SSH2: variants seen among roughly 807,000 people sequenced by gnomAD.
SSH2 encodes slingshot protein phosphatase 2.
In SSH2, 37 loss-of-function variants were observed where a neutral mutation model predicts 135.2. That is an observed-to-expected ratio of 0.27 (90% CI 0.21 to 0.36). The LOEUF is 0.36. Among genes scored for constraint, SSH2 ranks in the 10% least tolerant of loss-of-function variants. The pLI is 1.00. For synonymous variants in SSH2, 628 were observed against 646.2 expected (o/e 0.97, Z 0.43); for missense variants, 1,408 against 1,765.3 (o/e 0.80, Z 3.63).
intron 3 of SSH2, chr17:29,776,736 A>T (rs2041710106): frequency 6.6e-6 from 1 of 152,236 alleles, no homozygotes; most frequent in Admixed American, 6.5e-5. Flanking sequence ...GCTATCAGTG[A>T]AGCTTGGAGG....
intron 4 of SSH2, among the ~76,000 whole-genome samples, chr17:29,699,870 G>C (rs775730951): frequency 6.6e-6 from 1 of 152,184 alleles, no homozygotes; most frequent in Non-Finnish European, 1.5e-5. Flanking sequence ...ACTGGGCACT[G>C]GGGAGGAAGG....
In SSH2 at chr17:29,829,282, TTGGA is replaced by T. The variant is rs535119688; in HGVS notation, c.144+19563_144+19566del. Among the ~76,000 whole-genome samples, 20 of 152,328 alleles carry T rather than the reference TTGGA, an allele frequency of 1.3e-4. No homozygotes were observed. In the South Asian group the frequency reaches 4.1e-3, roughly 32 times the overall value. The stretch of plus-strand genomic sequence containing the variant: ...GTATACTATTTATCATTTCCATTCC[TTGGA>T]TGAAGAAATTAAGACAGAAGAAAAG... On this transcript the variant is annotated intron_variant, in intron 2 of 15. Transcript: ENST00000540801.
intron 3 of SSH2, among the ~76,000 whole-genome samples, chr17:29,792,720 A>G (rs1877788578): frequency 6.6e-6 from 1 of 152,222 alleles, no homozygotes; most frequent in African/African-American, 2.4e-5. Context: ...TCTGTAGCCC[A>G]AGCTGGAGTG....
chr17:29,710,206 A>G (rs1222738404), intron 3 of SSH2, among the ~76,000 whole-genome samples: 2 of 152,222 alleles, frequency 1.3e-5, no homozygotes, highest in African/African-American at 2.4e-5. Flanking sequence ...TTCTACATGC[A>G]CACATATAAG....
intron 3 of SSH2, chr17:29,707,112 C>CACTGCACTCCCGCCTGGGCG: frequency 6.6e-6 from 1 of 150,580 alleles, no homozygotes; most frequent in Non-Finnish European, 1.5e-5. Context: ...GAGATTGCGC[C>CACTGCACTCCCGCCTGGGCG]ACTGCACTCC....
intron 3 of SSH2, among the ~76,000 whole-genome samples, chr17:29,714,141 A>G (rs2039534701): frequency 6.6e-6 from 1 of 152,130 alleles, no homozygotes; most frequent in African/African-American, 2.4e-5. Context: ...CTGGACTCAA[A>G]AGTAAATGAC....
At chr17:29,728,782 AG>A (rs2040084873) in intron 3 of SSH2, among the ~76,000 whole-genome samples, 1 of 152,236 alleles carries the variant, frequency 6.6e-6, no homozygotes, top group South Asian at 2.1e-4. Context: ...AAAAGTGTCA[AG>A]AACATCCATT....
At chr17:29,735,488 G>A (rs1203075688) in intron 3 of SSH2, among the ~76,000 whole-genome samples, 1 of 152,082 alleles carries the variant, frequency 6.6e-6, no homozygotes, top group Non-Finnish European at 1.5e-5. Flanking sequence ...CAGGAGGTCA[G>A]AAGTTTGAGA....
intron 2 of SSH2, among the ~76,000 whole-genome samples, chr17:29,845,906 C>A (rs1400421190): frequency 6.6e-6 from 1 of 152,068 alleles, no homozygotes; most frequent in African/African-American, 2.4e-5. Context: ...ACTAAAGTTA[C>A]CTTTTCCCCA....
chr17:29,855,025 C>G (rs1296665459), intron 1 of SSH2, among the ~76,000 whole-genome samples: 3 of 152,198 alleles, frequency 2.0e-5, no homozygotes, highest in African/African-American at 7.2e-5. Context: ...TGTTAAGTCT[C>G]TTTTACCCTA....
chr17:29,822,637 C>G (rs2042673904), intron 2 of SSH2, among the ~76,000 whole-genome samples: 1 of 151,666 alleles, frequency 6.6e-6, no homozygotes, highest in African/African-American at 2.4e-5. Flanking sequence ...GCTGGGAATA[C>G]AGATGTGAGC....
chr17:29,878,953 A>T (rs2066086068), intron 1 of SSH2, among the ~76,000 whole-genome samples: 2 of 152,352 alleles, frequency 1.3e-5, no homozygotes, highest in South Asian at 2.1e-4. Flanking sequence ...CAATCACAGG[A>T]AAACTTAACA....
chr17:29,648,131 G>C lies in SSH2; in HGVS notation c.1427+13C>G, dbSNP rs757833248. 6.2e-7 allele frequency: 1 copy of C among 1,612,832 alleles called. No individual in the cohort carries two copies. The highest frequency in any genetic ancestry group is 1.1e-5 in the South Asian group (1 of 91,026). On this transcript the variant is annotated intron_variant, in intron 14 of 15. Transcript: ENST00000540801. ...TTAAAAGGAGGGAGAATTGGAGAAA[G>C]TCACTGACTCACCTTGCCAGCAAGA...
At chr17:29,904,260 C>T (rs929942388) in intron 1 of SSH2, among the ~76,000 whole-genome samples, 1 of 152,136 alleles carries the variant, frequency 6.6e-6, no homozygotes, top group African/African-American at 2.4e-5. Flanking sequence ...TAATAAAATA[C>T]TGGCAAACTG....
In SSH2 at chr17:29,848,866, T is replaced by C; in HGVS notation, c.127A>G (p.Ile43Val). ...CTACGTACATTGGAATCAGTAAAGA[T>C]TTCTGATTCTTCACATTCACAGCAA... Reference protein sequence around the residue: ...LLCCECEESEIFTDSNEADSG... With the variant: ...LLCCECEESEVFTDSNEADSG... The change falls in exon 2 of 16, where the codon ATC becomes GTC. Residue 43 changes from isoleucine (I) to valine (V), a missense_variant. By Grantham distance (29) the Ile-to-Val change is conservative (BLOSUM62 3). Coordinates refer to ENST00000540801, the MANE Select transcript of SSH2 (RefSeq NM_001282129.2). 1 of 1,533,048 alleles carries C rather than the reference T, an allele frequency of 6.5e-7. No individual in the cohort carries two copies. Among genetic ancestry groups the C allele is most frequent in the Non-Finnish European group, 8.7e-7 (1 of 1,144,606 alleles). 95.0% of individuals were successfully genotyped at this position (1,533,048 alleles called of 1,614,324 possible).
At chr17:29,748,360 T>G (rs2040826798) in intron 3 of SSH2, among the ~76,000 whole-genome samples, 2 of 152,210 alleles carry the variant, frequency 1.3e-5, no homozygotes. Context: ...GAAGATTCAC[T>G]AGATGTAAAC....
intron 1 of SSH2, among the ~76,000 whole-genome samples, chr17:29,862,247 C>T (rs1356465183): frequency 1.3e-5 from 2 of 152,216 alleles, no homozygotes; most frequent in Non-Finnish European, 2.9e-5. Context: ...CTTGTGCACA[C>T]ATTTTCTAAC....
chr17:29,719,253 ATC>A (rs1255177533), intron 3 of SSH2, among the ~76,000 whole-genome samples: 23 of 152,168 alleles, frequency 1.5e-4, no homozygotes, highest in African/African-American at 4.6e-4. Flanking sequence ...GAAACTCAGA[ATC>A]TGTTACAATG....
At chr17:29,862,511 T>C (rs2065781895) in intron 1 of SSH2, among the ~76,000 whole-genome samples, 1 of 152,192 alleles carries the variant, frequency 6.6e-6, no homozygotes, top group Non-Finnish European at 1.5e-5. Flanking sequence ...GAACACATGA[T>C]ATTTGTTCCT....
Sources: gnomAD v4.1 joint callset for allele counts (sites outside exome capture counted in the v4.1 genomes callset) on GRCh38, gnomAD v4.1.1 for gene constraint, MANE v1.5 for transcripts, NCBI Gene and HGNC (gene_info 2026-07-23, HGNC 2026-07-21) for gene names.